PEBP4: variants seen among roughly 807,000 people sequenced by gnomAD.
PEBP4 encodes phosphatidylethanolamine binding protein 4.
Under a neutral mutation model 23.9 loss-of-function variants are expected in PEBP4, and 22 were observed. The observed-to-expected ratio is 0.92, with a 90% CI of 0.66 to 1.31. The LOEUF is 1.31. Among genes scored for constraint, PEBP4 ranks in the 40% most tolerant of loss-of-function variants. The probability of loss-of-function intolerance (pLI) is 0.00; values close to 1 mark genes in which losing one functional copy is unlikely to be tolerated. For missense variants in PEBP4, 324 were observed against 281.7 expected (o/e 1.15, Z -1.07); for synonymous variants, 112 against 99.3 (o/e 1.13, Z -0.76).
chr8:22,748,919 T>C (rs145020372), intron 4 of PEBP4, among the ~76,000 whole-genome samples: 133 of 152,228 alleles, frequency 8.7e-4, no homozygotes, highest in African/African-American at 3.2e-3. Context: ...ACCTCTGAAC[T>C]CTGGGATTCT....
At chr8:22,900,423 C>T (rs1311980912) in intron 3 of PEBP4, among the ~76,000 whole-genome samples, 1 of 151,980 alleles carries the variant, frequency 6.6e-6, no homozygotes, top group African/African-American at 2.4e-5. Context: ...CTGAGGTGGG[C>T]GGATCACTTG....
chr8:22,839,977 A>G (rs1354197148), intron 3 of PEBP4, among the ~76,000 whole-genome samples: 1 of 152,216 alleles, frequency 6.6e-6, no homozygotes, highest in Non-Finnish European at 1.5e-5. Context: ...TGTTCTTCCA[A>G]TTTCAAGGAA....
intron 4 of PEBP4, among the ~76,000 whole-genome samples, chr8:22,772,425 C>T (rs184341018): frequency 6.6e-6 from 1 of 151,204 alleles, no homozygotes; most frequent in East Asian, 1.9e-4. Context: ...CATTATATAC[C>T]TTATTTTATT....
chr8:22,753,787 TCCCCGC>T (rs2085254107), intron 4 of PEBP4, among the ~76,000 whole-genome samples: 1 of 152,128 alleles, frequency 6.6e-6, no homozygotes, highest in Non-Finnish European at 1.5e-5. Flanking sequence ...GGACCAGACT[TCCCCGC>T]CCTTGTGTGG....
rs552773776 is a variant in PEBP4 at position 22,719,690 on chromosome 8, T to A, written c.517+5153A>T. ...GTTAACTGTGGACGCCCTTGGTAAG[T>A]CATGCCACTCACTGTTTCAGGCTTT... On this transcript the variant is annotated intron_variant, in intron 6 of 6. Coordinates refer to ENST00000256404, the MANE Select transcript of PEBP4 (RefSeq NM_144962.3). 3.3e-5 allele frequency among the ~76,000 whole-genome samples: 5 copies of A among 152,286 alleles called. No individual in the cohort carries two copies. The East Asian group carries it at 9.7e-4, about 29-fold the overall frequency.
intron 1 of PEBP4, among the ~76,000 whole-genome samples, chr8:22,939,962 T>C (rs575756070): frequency 1.4e-4 from 21 of 152,352 alleles, no homozygotes; most frequent in Admixed American, 9.8e-4. Context: ...CATCTATTAA[T>C]GAATCACTTC....
chr8:22,795,111 T>TA (rs1554486337), intron 4 of PEBP4, among the ~76,000 whole-genome samples: 4 of 130,120 alleles, frequency 3.1e-5, no homozygotes, highest in South Asian at 2.5e-4. Flanking sequence ...TTAAATTATT[T>TA]TATATATATG....
intron 3 of PEBP4, among the ~76,000 whole-genome samples, chr8:22,867,165 C>G (rs755296207): frequency 6.6e-6 from 1 of 152,144 alleles, no homozygotes; most frequent in African/African-American, 2.4e-5. Context: ...AGAGCCATCC[C>G]AGAGTGGGCT....
intron 3 of PEBP4, among the ~76,000 whole-genome samples, chr8:22,917,389 C>A (rs1446212568): frequency 6.6e-6 from 1 of 152,184 alleles, no homozygotes; most frequent in East Asian, 1.9e-4. Context: ...GCTCCAACTA[C>A]CACCTTCCCT....
chr8:22,764,033 T>C (rs967508796), intron 4 of PEBP4, among the ~76,000 whole-genome samples: 6 of 152,324 alleles, frequency 3.9e-5, no homozygotes, highest in Middle Eastern at 3.4e-3. Context: ...TTTCTTCACA[T>C]ATTCCTCACT....
chr8:22,778,954 C>T (rs1805866228), intron 4 of PEBP4, among the ~76,000 whole-genome samples: 1 of 151,998 alleles, frequency 6.6e-6, no homozygotes, highest in Non-Finnish European at 1.5e-5. Flanking sequence ...TGAGGAACTC[C>T]AATTAAGCAC....
chr8:22,826,615 G>T (rs533697351), intron 3 of PEBP4, among the ~76,000 whole-genome samples: 1 of 152,284 alleles, frequency 6.6e-6, no homozygotes, highest in South Asian at 2.1e-4. Flanking sequence ...GATATGAAAA[G>T]CTCTCCAGGA....
intron 3 of PEBP4, among the ~76,000 whole-genome samples, chr8:22,910,336 G>A (rs902846976): frequency 3.3e-5 from 5 of 152,272 alleles, no homozygotes; most frequent in Admixed American, 6.5e-5. Context: ...AACATCCCGC[G>A]CTTGCTCCAT....
At chr8:22,783,344 C>T (rs376839537) in intron 4 of PEBP4, among the ~76,000 whole-genome samples, 30 of 152,220 alleles carry the variant, frequency 2.0e-4, no homozygotes, top group East Asian at 5.8e-4. Flanking sequence ...TATGGATGAA[C>T]GCCTCCTGGG....
intron 4 of PEBP4, among the ~76,000 whole-genome samples, chr8:22,769,559 G>A (rs1246140279): frequency 6.6e-6 from 1 of 152,104 alleles, no homozygotes; most frequent in Non-Finnish European, 1.5e-5. Context: ...GCTCTCCCAT[G>A]TCTTGCCTGC....
At chr8:22,736,561 T>A (rs1804864400) in intron 4 of PEBP4, among the ~76,000 whole-genome samples, 1 of 152,170 alleles carries the variant, frequency 6.6e-6, no homozygotes, top group African/African-American at 2.4e-5. Context: ...GCTATATTGT[T>A]GCACCACTGC....
At chr8:22,812,240 A>T (rs891034954) in intron 4 of PEBP4, among the ~76,000 whole-genome samples, 1 of 152,178 alleles carries the variant, frequency 6.6e-6, no homozygotes, top group Non-Finnish European at 1.5e-5. Context: ...TACCCACATA[A>T]CTAGAAAGCA....
chr8:22,912,197 G>A (rs941778172), intron 3 of PEBP4, among the ~76,000 whole-genome samples: 3 of 152,194 alleles, frequency 2.0e-5, no homozygotes, highest in Non-Finnish European at 2.9e-5. Context: ...AGTCGCCGGA[G>A]CACGTGGCCG....
chr8:22,842,584 A>T (rs1807351103), intron 3 of PEBP4, among the ~76,000 whole-genome samples: 1 of 152,190 alleles, frequency 6.6e-6, no homozygotes, highest in Non-Finnish European at 1.5e-5. Flanking sequence ...GGGCTTTGGA[A>T]CACTCTTGCG....
Sources: gnomAD v4.1 joint callset for allele counts (sites outside exome capture counted in the v4.1 genomes callset) on GRCh38, gnomAD v4.1.1 for gene constraint, MANE v1.5 for transcripts, NCBI Gene and HGNC (gene_info 2026-07-23, HGNC 2026-07-21) for gene names.